GTF3C1: variants seen among roughly 807,000 people sequenced by gnomAD.
GTF3C1 encodes the protein general transcription factor 3C polypeptide 1.
GTF3C1 carries 57 observed loss-of-function variants against 226.7 expected under a neutral mutation model. The observed-to-expected ratio is 0.25, with a 90% CI of 0.20 to 0.31. The LOEUF is 0.31. Ranked by LOEUF, GTF3C1 falls within the 10% of genes least tolerant of loss-of-function variation. GTF3C1 has a pLI of 1.00. For missense variants in GTF3C1, 2,217 were observed against 2,776.1 expected (o/e 0.80, Z 4.53); for synonymous variants, 1,090 against 1,084.8 (o/e 1.00, Z -0.09).
At chr16:27,487,440 G>A (rs566680138) in intron 23 of GTF3C1, among the ~76,000 whole-genome samples, 59 of 152,244 alleles carry the variant, frequency 3.9e-4, no homozygotes, top group African/African-American at 1.3e-3. Context: ...AATACTGGCC[G>A]GATGAAGAAC....
intron 1 of GTF3C1, among the ~76,000 whole-genome samples, chr16:27,546,441 C>T (rs1181644445): frequency 2.1e-5 from 3 of 140,946 alleles, no homozygotes; most frequent in African/African-American, 8.0e-5. Context: ...TTCATTTGTG[C>T]TTCTTTCATG....
At chr16:27,502,025 G>A (rs569582489) in intron 11 of GTF3C1, among the ~76,000 whole-genome samples, 21 of 152,008 alleles carry the variant, frequency 1.4e-4, no homozygotes, top group African/African-American at 4.3e-4. Flanking sequence ...AACCCAGGAG[G>A]CAGACGTTGC....
At chr16:27,493,152 G>T in intron 17 of GTF3C1, 47 bp downstream of exon 17, 3 of 974,388 alleles carry the variant, frequency 3.1e-6, no homozygotes, top group Non-Finnish European at 5.0e-6. Context: ...TGACTTAAGG[G>T]TTTGTTTGGA....
At chr16:27,543,497 C>G (rs1270571579) in intron 2 of GTF3C1, among the ~76,000 whole-genome samples, 1 of 152,174 alleles carries the variant, frequency 6.6e-6, no homozygotes, top group Non-Finnish European at 1.5e-5. Flanking sequence ...CTCAAGCAAT[C>G]CCCCCATCGC....
Position 27,492,248 on chromosome 16 carries a change from C to G in GTF3C1, c.3151+90G>C. On this transcript the variant is annotated intron_variant, in intron 19 of 36. Coordinates refer to ENST00000356183, the MANE Select transcript of GTF3C1 (RefSeq NM_001520.4). The surrounding 1 kb of genome is among the most constrained non-coding windows in gnomAD (Gnocchi z 5.0). ...ACTCGGAACATACCACTGGTTGAGG[C>G]AACTCCTAGGCTTTTCTAGCCCTAA... 1 of 776,112 alleles carries G rather than the reference C, an allele frequency of 1.3e-6. No individual in the cohort carries two copies. The highest frequency in any genetic ancestry group is 1.7e-5 in the South Asian group (1 of 59,666). 48.1% of individuals were successfully genotyped at this position (776,112 alleles called of 1,614,324 possible). A position where few individuals can be genotyped will look rare whatever the true frequency, so the allele number is the denominator to read the frequency against.
At chr16:27,493,076 T>C in intron 17 of GTF3C1, 123 bp downstream of exon 17, 1 of 633,954 alleles carries the variant, frequency 1.6e-6, no homozygotes, top group Non-Finnish European at 2.9e-6. Flanking sequence ...AATAAAAATC[T>C]TGAGTTTTTG....
At position 27,508,655 on chromosome 16, in the gene GTF3C1, A is replaced by G; in HGVS notation, c.1127T>C (p.Ile376Thr). The change falls in exon 8 of 37, where the codon ATT (isoleucine) becomes ACT (threonine). Residue 376 changes from isoleucine (I) to threonine (T), a missense_variant and splice_region_variant. Ile to Thr is a moderately conservative substitution (Grantham distance 89, BLOSUM62 -1). Around this residue, in one of 12 missense-constraint regions of GTF3C1, gnomAD observed 163 missense variants for 234.3 expected, o/e 0.70. Coordinates refer to ENST00000356183, the MANE Select transcript of GTF3C1 (RefSeq NM_001520.4). ...RDMLTQTYDL[I>T]ERRGTKGISQ... ...AATTCCTTTCGTGCCTCTGCGCTCAACTGTGAGAAACAATACACGTGAACC... is the reference window on the plus strand; with the variant it reads ...AATTCCTTTCGTGCCTCTGCGCTCAGCTGTGAGAAACAATACACGTGAACC... 2 of 1,611,492 alleles carry G rather than the reference A, an allele frequency of 1.2e-6. No homozygotes were observed. The highest frequency in any genetic ancestry group is 1.7e-6 in the Non-Finnish European group (2 of 1,177,636).
rs1450962187 is a variant in GTF3C1 at position 27,476,529 on chromosome 16, G to A, written c.4275C>T (p.His1425=). The change falls in exon 29 of 37, where the codon CAC becomes CAT. Residue 1425 remains histidine (H), a synonymous_variant. Transcript: ENST00000356183. ...GGATCAGGTTCTGAAGCACCAGAAA[G>A]TGGATGTCATCCACGCTGAAAGAGA... is the stretch of plus-strand genomic sequence containing the variant. The part of the protein sequence containing the change: ...EDELNSVDDI[H]FLVLQNLIQS... 1.2e-6 allele frequency: 2 copies of A among 1,609,304 alleles called. No homozygotes were observed. The highest frequency in any genetic ancestry group is 1.7e-6 in the Non-Finnish European group (2 of 1,175,788).
rs72784379 is a variant in GTF3C1, at chr16:27,534,728, C to T, written c.753-1341G>A. The stretch of plus-strand genomic sequence containing the variant: ...AGAGTTTGGTGAGACAGTTACTTAA[C>T]CAATGGATAGTATGACCCAATTAAA... On this transcript the variant is annotated intron_variant, in intron 4 of 36. Coordinates refer to ENST00000356183, the MANE Select transcript of GTF3C1 (RefSeq NM_001520.4). Among the ~76,000 whole-genome samples the T allele has an allele frequency of 7.4e-3, 1,126 of 152,310 alleles. 7 individuals are homozygous for T. Among genetic ancestry groups the T allele is most frequent in the Middle Eastern group, 0.014 (4 of 294 alleles).
chr16:27,478,719 A>T (rs1224047032), intron 27 of GTF3C1, 188 bp from the exon 28 acceptor site: 4 of 596,426 alleles, frequency 6.7e-6, no homozygotes. Context: ...CTGTTATAAA[A>T]AGGAGGGCTG....
chr16:27,501,595 A>G (rs1567400365), intron 11 of GTF3C1, among the ~76,000 whole-genome samples: 1 of 152,230 alleles, frequency 6.6e-6, no homozygotes, highest in Admixed American at 6.5e-5. Context: ...GCAACTCAAG[A>G]GACTACGATT....
intron 29 of GTF3C1, among the ~76,000 whole-genome samples, chr16:27,473,635 C>T (rs2087909154): frequency 6.6e-6 from 1 of 152,242 alleles, no homozygotes; most frequent in Non-Finnish European, 1.5e-5. Flanking sequence ...ACTGCACCTT[C>T]CTTCCAGTGG....
intron 14 of GTF3C1, among the ~76,000 whole-genome samples, chr16:27,497,302 G>T (rs576896821): frequency 5.7e-4 from 87 of 152,308 alleles, no homozygotes; most frequent in Non-Finnish European, 1.1e-3. Flanking sequence ...GTTGGGACAG[G>T]AAGAAATTTT....
chr16:27,546,044 C>T (rs1401753358), intron 1 of GTF3C1, among the ~76,000 whole-genome samples: 2 of 152,116 alleles, frequency 1.3e-5, no homozygotes, highest in African/African-American at 2.4e-5. Context: ...GATGACGGTT[C>T]ACCATGTTGG....
intron 12 of GTF3C1, among the ~76,000 whole-genome samples, chr16:27,499,167 C>T (rs975059367): frequency 6.6e-6 from 1 of 152,246 alleles, no homozygotes; most frequent in African/African-American, 2.4e-5. Context: ...TTAATCTACC[C>T]TTGCTGAGAG....
At chr16:27,489,231 A>G (rs894020212) in intron 20 of GTF3C1, 53 bp from the exon 21 acceptor site, 3 of 1,598,752 alleles carry the variant, frequency 1.9e-6, no homozygotes, top group Admixed American at 1.7e-5. Context: ...TCACCGAAAA[A>G]GAGAGCCCAT....
rs757241596 is a variant in GTF3C1, at chr16:27,538,365, C to T, written c.432-9G>A. ...TCAGTTTCTTCCCCCACCTGCAAATCGGAAACAATCGCATGAAGAAATAAG... is the reference window on the plus strand; with the variant it reads ...TCAGTTTCTTCCCCCACCTGCAAATTGGAAACAATCGCATGAAGAAATAAG... On this transcript the variant is annotated splice_polypyrimidine_tract_variant and intron_variant, in intron 2 of 36. Transcript: ENST00000356183. 14 of 1,496,478 alleles carry T rather than the reference C, an allele frequency of 9.4e-6. No individual in the cohort carries two copies. Among genetic ancestry groups the T allele is most frequent in the Admixed American group, 4.7e-5 (2 of 42,688 alleles). The allele number at this position is 1,496,478 out of a possible 1,614,324, so 92.7% of individuals were successfully genotyped here. A position where few individuals can be genotyped will look rare whatever the true frequency, so the allele number is the denominator to read the frequency against.
chr16:27,471,726 A>C lies in GTF3C1; in HGVS notation c.4526+22T>G. The C allele has an allele frequency of 1.9e-6, 3 of 1,595,306 alleles. No individual in the cohort carries two copies. The highest frequency in any genetic ancestry group is 2.6e-6 in the Non-Finnish European group (3 of 1,163,182). Reference sequence around the variant, plus strand: ...GGCGTGGCTCCACCTCGGAGTACCCAAGGCTCCTGACAGGTACTCACCTGT... The same window carrying C: ...GGCGTGGCTCCACCTCGGAGTACCCCAGGCTCCTGACAGGTACTCACCTGT... On this transcript the variant is annotated intron_variant, in intron 30 of 36. Transcript: ENST00000356183. The surrounding 1 kb of genome is among the most constrained non-coding windows in gnomAD (Gnocchi z 5.0).
chr16:27,517,972 CTG>C (rs1031905694), intron 6 of GTF3C1, among the ~76,000 whole-genome samples: 2 of 152,204 alleles, frequency 1.3e-5, no homozygotes, highest in Non-Finnish European at 2.9e-5. Context: ...AACCAAGAGT[CTG>C]TGTTTCTCCC....
Sources: allele counts gnomAD v4.1 joint callset (sites outside exome capture counted in the v4.1 genomes callset), GRCh38; gene constraint gnomAD v4.1.1; regional missense constraint gnomAD v4.1.1; non-coding constraint Gnocchi (gnomAD v3.1); transcripts MANE v1.5; gene names NCBI Gene and HGNC (gene_info 2026-07-23, HGNC 2026-07-21).